Variants in RUFY1 observed in about 807,000 individuals in gnomAD.
RUFY1 encodes the protein RUN and FYVE domain containing 1, also known as RUN and FYVE domain-containing protein 1.
A neutral mutation model predicts 94.6 loss-of-function variants in RUFY1; 54 were observed. That is an observed-to-expected ratio of 0.57 (90% CI 0.46 to 0.72). The LOEUF (loss-of-function observed/expected upper bound fraction) is 0.72, where lower values mean the gene tolerates loss of function less well. Ranked by LOEUF, RUFY1 falls within the 30% of genes least tolerant of loss-of-function variation. The pLI is 0.00. For missense variants in RUFY1, 883 were observed against 883.9 expected, an observed-to-expected ratio of 1.00 and a Z score of 0.01; for synonymous variants, 396 against 347.3, an observed-to-expected ratio of 1.14 and a Z score of -1.56.
chr5:179,605,836 C>T (rs1243806121), intron 15 of RUFY1, 40 bp from the exon 16 acceptor site: 3 of 1,383,738 alleles, frequency 2.2e-6, no homozygotes, highest in Non-Finnish European at 3.1e-6. Flanking sequence ...GAGCCTCACT[C>T]TCTCTCACTG....
rs758237659 is a variant in RUFY1 at position 179,591,613 on chromosome 5, T to C, written c.1129-12T>C. 1.1e-5 allele frequency: 17 copies of C among 1,549,478 alleles called. No individual in the cohort carries two copies. In the South Asian group the frequency reaches 1.9e-4, roughly 18 times the overall value. On this transcript the variant is annotated splice_polypyrimidine_tract_variant and intron_variant, in intron 9 of 17. Transcript: ENST00000319449. ...AGCAAACAATTCCTCTTGGTGTCCTTGTTTGATACAGATAACAAAACAGGA... is the reference window on the plus strand; with the variant it reads ...AGCAAACAATTCCTCTTGGTGTCCTCGTTTGATACAGATAACAAAACAGGA...
intron 10 of RUFY1, 82 bp from the exon 11 acceptor site, chr5:179,593,396 G>A (rs571180647): frequency 1.3e-6 from 2 of 1,493,394 alleles, no homozygotes; most frequent in Non-Finnish European, 1.8e-6. Context: ...TGTATTTTAA[G>A]CATTACCTGA....
chr5:179,578,432 T>A (rs1448118844), intron 6 of RUFY1, among the ~76,000 whole-genome samples: 1 of 151,854 alleles, frequency 6.6e-6, no homozygotes, highest in Non-Finnish European at 1.5e-5. Context: ...TTGGCCAGGC[T>A]GGTCTTGAAC....
chr5:179,579,332 CT>C (rs1173269776), intron 6 of RUFY1, among the ~76,000 whole-genome samples: 3 of 151,522 alleles, frequency 2.0e-5, no homozygotes, highest in Admixed American at 6.6e-5. Flanking sequence ...ATTCTTTTTT[CT>C]TTTTTTTTGA....
chr5:179,571,066 A>T (rs550598818), intron 5 of RUFY1, among the ~76,000 whole-genome samples: 2 of 152,348 alleles, frequency 1.3e-5, no homozygotes, highest in South Asian at 2.1e-4. Context: ...TTGTAATTTT[A>T]AAAAATTTAA....
At chr5:179,606,307 T>C in intron 16 of RUFY1, 2 of 246,484 alleles carry the variant, frequency 8.1e-6, no homozygotes, top group Non-Finnish European at 7.8e-6. Flanking sequence ...TGCAGTGCCC[T>C]GTGCCATTGC....
At chr5:179,553,523 C>T (rs545740163) in intron 1 of RUFY1, among the ~76,000 whole-genome samples, 1 of 152,122 alleles carries the variant, frequency 6.6e-6, no homozygotes, top group Non-Finnish European at 1.5e-5. Context: ...GTGGCTCACA[C>T]CTGTAATCCC....
intron 7 of RUFY1, among the ~76,000 whole-genome samples, chr5:179,585,393 A>G (rs1581499213): frequency 6.6e-6 from 1 of 152,188 alleles, no homozygotes; most frequent in African/African-American, 2.4e-5. Flanking sequence ...CCTGGCCAAC[A>G]TGGTGAAACC....
rs528568643 is a variant in RUFY1 at position 179,609,785 on chromosome 5, A to G, written c.*266A>G. ...TCAGATACAACTTCATGATTTTGCTACTATCATTTTTCACTTTTCAAAGAA... is the reference window on the plus strand; with the variant it reads ...TCAGATACAACTTCATGATTTTGCTGCTATCATTTTTCACTTTTCAAAGAA... On this transcript the variant is annotated 3_prime_UTR_variant, in exon 18 of 18. Coordinates refer to ENST00000319449, the MANE Select transcript of RUFY1 (RefSeq NM_025158.5). 2.6e-6 allele frequency: 1 copy of G among 388,246 alleles called. No homozygotes were observed. The highest frequency in any genetic ancestry group is 2.1e-5 in the African/African-American group (1 of 48,426). The allele number at this position is 388,246 out of a possible 1,614,324, so 24.1% of individuals were successfully genotyped here. A position where few individuals can be genotyped will look rare whatever the true frequency, so the allele number is the denominator to read the frequency against.
intron 6 of RUFY1, among the ~76,000 whole-genome samples, chr5:179,578,707 G>A (rs550556508): frequency 6.6e-6 from 1 of 151,852 alleles, no homozygotes; most frequent in East Asian, 1.9e-4. Context: ...GCAGTGGCAC[G>A]ATCTTGGCTC....
At chr5:179,585,981 C>A in intron 8 of RUFY1, 116 bp downstream of exon 8, 1 of 767,028 alleles carries the variant, frequency 1.3e-6, no homozygotes, top group Non-Finnish European at 2.3e-6. Flanking sequence ...GACTTGCTAG[C>A]CTCCAGCTAC....
At chr5:179,571,142 T>G (rs1190047943) in intron 5 of RUFY1, among the ~76,000 whole-genome samples, 1 of 152,250 alleles carries the variant, frequency 6.6e-6, no homozygotes, top group African/African-American at 2.4e-5. Flanking sequence ...ATGTAGTATT[T>G]CATTTTTTAA....
At chr5:179,558,767 C>T (rs1581419727) in intron 1 of RUFY1, among the ~76,000 whole-genome samples, 1 of 152,024 alleles carries the variant, frequency 6.6e-6, no homozygotes, top group African/African-American at 2.4e-5. Flanking sequence ...AAGACCTTTA[C>T]TACAAGTTCA....
chr5:179,593,451 C>G, intron 10 of RUFY1, 27 bp from the exon 11 acceptor site: 1 of 1,579,352 alleles, frequency 6.3e-7, no homozygotes, highest in Non-Finnish European at 8.7e-7. Context: ...ATTTTAATAA[C>G]ATTTTCCTTG....
chr5:179,598,760 A>G lies in RUFY1; in HGVS notation c.1700A>G (p.His567Arg). The G allele has an allele frequency of 6.2e-7, 1 of 1,614,164 alleles. No homozygotes were observed. Among genetic ancestry groups the G allele is most frequent in the Middle Eastern group, 1.6e-4 (1 of 6,062 alleles). The part of the protein sequence containing the change: ...QRQALQRELQ[H>R]EKDTSSLLRM... ...CAGGCTCTTCAGCGCGAATTACAGC[A>G]CGAGAAAGACACTTCCTCTCTACTC... is the stretch of plus-strand genomic sequence containing the variant. The change falls in exon 14 of 18, where the codon CAC becomes CGC. Residue 567 changes from histidine to arginine, a missense_variant. By Grantham distance (29) the His-to-Arg change is conservative. Transcript: ENST00000319449.
chr5:179,560,713 A>T (rs1223499730), intron 2 of RUFY1, among the ~76,000 whole-genome samples: 7 of 143,094 alleles, frequency 4.9e-5, no homozygotes, highest in Non-Finnish European at 4.6e-5. Flanking sequence ...GCAACAGAGC[A>T]AGACTCCGTC....
intron 3 of RUFY1, among the ~76,000 whole-genome samples, chr5:179,564,448 GTC>G (rs1370887112): frequency 1.8e-4 from 24 of 136,194 alleles, no homozygotes; most frequent in Non-Finnish European, 3.2e-4. Flanking sequence ...TTTTAAGACA[GTC>G]TCTCTGTCGC....
chr5:179,566,068 G>C (rs967567916), intron 3 of RUFY1, among the ~76,000 whole-genome samples: 1 of 151,868 alleles, frequency 6.6e-6, no homozygotes, highest in African/African-American at 2.4e-5. Context: ...TTGAGCCTGG[G>C]AGTTCCAGGC....
intron 3 of RUFY1, 102 bp from the exon 4 acceptor site, chr5:179,567,359 T>C (rs994643118): frequency 7.2e-6 from 6 of 832,268 alleles, no homozygotes; most frequent in Non-Finnish European, 1.2e-5. Context: ...CGTCTGCATT[T>C]ACAAGGGTGT....
Sources: allele counts gnomAD v4.1 joint callset (sites outside exome capture counted in the v4.1 genomes callset), GRCh38; gene constraint gnomAD v4.1.1; transcripts MANE v1.5; gene names NCBI Gene and HGNC (gene_info 2026-07-23, HGNC 2026-07-21).